The following TRIM38 variants were observed in gnomAD, a reference collection of about 807,000 sequenced individuals.
The protein encoded by TRIM38 is tripartite motif containing 38, also known as E3 ubiquitin-protein ligase TRIM38.
In TRIM38, 35 loss-of-function variants were observed where a neutral mutation model predicts 35.8. The observed-to-expected ratio is 0.98, with a 90% CI of 0.75 to 1.30. The LOEUF (loss-of-function observed/expected upper bound fraction) is 1.30. Among genes scored for constraint, TRIM38 ranks in the 50% most tolerant of loss-of-function variants. The pLI, the probability that TRIM38 is intolerant of heterozygous loss-of-function variation, is 0.00. For missense variants in TRIM38, 545 were observed against 556.9 expected (o/e 0.98, Z 0.21); for synonymous variants, 198 against 204.7 (o/e 0.97, Z 0.28).
rs1327497601 is a variant in TRIM38 at position 25,962,821 on chromosome 6, A to G, written c.-457A>G. On this transcript the variant is annotated 5_prime_UTR_variant, in exon 1 of 8. Coordinates refer to ENST00000357085, the MANE Select transcript of TRIM38 (RefSeq NM_006355.5). ...GTCTGAGTTAACTTCCTGACCCAGG[A>G]AGTGGCAGCAACAGAGGGGACTAGC... 6.6e-6 allele frequency: 1 copy of G among 152,260 alleles called. No homozygotes were observed. Among genetic ancestry groups the G allele is most frequent in the Non-Finnish European group, 1.5e-5 (1 of 68,028 alleles). 9.4% of individuals were successfully genotyped at this position (152,260 alleles called of 1,614,324 possible).
intron 7 of TRIM38, 76 bp downstream of exon 7, chr6:25,973,361 C>T: frequency 6.4e-7 from 1 of 1,557,172 alleles, no homozygotes; most frequent in Non-Finnish European, 8.7e-7. Flanking sequence ...CCACCTGTCC[C>T]TTGGCAGGCT....
At position 25,990,416 on chromosome 6, in the gene TRIM38, C is replaced by T. The variant is rs1488994454; in HGVS notation, c.*6729C>T. ...CTTGACTGCCTAGGCTCAAGTCATC[C>T]TCCCACCTCAGCCTCCAGAATGGCT... On this transcript the variant is annotated 3_prime_UTR_variant, in exon 8 of 8. Transcript: ENST00000357085. 2.0e-5 allele frequency: 3 copies of T among 152,244 alleles called. No individual in the cohort carries two copies. Among genetic ancestry groups the T allele is most frequent in the Non-Finnish European group, 4.4e-5 (3 of 68,094 alleles). The allele number at this position is 152,244 out of a possible 1,614,324, so 9.4% of individuals were successfully genotyped here. A position where few individuals can be genotyped will look rare whatever the true frequency, so the allele number is the denominator to read the frequency against.
chr6:25,976,664 C>A (rs1434656851), intron 7 of TRIM38, among the ~76,000 whole-genome samples: 5 of 152,182 alleles, frequency 3.3e-5, no homozygotes, highest in African/African-American at 1.2e-4. Context: ...GACAATACTA[C>A]TGTGAACATT....
In TRIM38 at chr6:25,969,331, C is replaced by T; in HGVS notation, c.418C>T (p.Leu140Phe). The T allele has an allele frequency of 6.2e-7, 1 of 1,612,134 alleles. No individual in the cohort carries two copies. Among genetic ancestry groups the T allele is most frequent in the Non-Finnish European group, 8.5e-7 (1 of 1,179,096 alleles). Residue 140 changes from leucine to phenylalanine, a missense_variant, in exon 4 of 8, where the codon CTC becomes TTC. Physicochemically the swap from Leu to Phe is conservative, Grantham distance 22. Transcript: ENST00000357085. The part of the protein sequence containing the change: ...EDVCQGYKEK[L>F]QKAVTKLKQL... ...TATCAAATTTTTCCTTCAGGAAAAG[C>T]TCCAGAAAGCTGTGACAAAACTGAA... is the stretch of plus-strand genomic sequence containing the variant.
rs1421186815 is a variant in TRIM38, at chr6:25,973,581, T to G, written c.874+296T>G. 13 of 973,862 alleles carry G rather than the reference T, an allele frequency of 1.3e-5. No individual in the cohort carries two copies. The East Asian group carries it at 3.4e-4, about 26-fold the overall frequency. The allele number at this position is 973,862 out of a possible 1,614,324, so 60.3% of individuals were successfully genotyped here. A position where few individuals can be genotyped will look rare whatever the true frequency, so the allele number is the denominator to read the frequency against. On this transcript the variant is annotated intron_variant, in intron 7 of 7. Transcript: ENST00000357085. The stretch of plus-strand genomic sequence containing the variant: ...AATGAAAATATTAACAGCTCCTACT[T>G]CATTGAGTTATCATCAAAATTAAAT...
At chr6:25,982,146 C>T (rs767130406) in intron 7 of TRIM38, among the ~76,000 whole-genome samples, 2 of 152,144 alleles carry the variant, frequency 1.3e-5, no homozygotes, top group African/African-American at 2.4e-5. Flanking sequence ...CATAAAACCC[C>T]TTGTGGCTTG....
Position 25,988,496 on chromosome 6 carries a change from C to CTTTTTTT in TRIM38, c.*4820_*4826dup, listed in dbSNP as rs71544660. The CTTTTTTT allele has an allele frequency of 0.077, 4,823 of 62,444 alleles. 1,062 individuals are homozygous for CTTTTTTT. The highest frequency in any genetic ancestry group is 0.1 in the African/African-American group (1,433 of 14,040). The allele number at this position is 62,444 out of a possible 1,614,324, so 3.9% of individuals were successfully genotyped here. On this transcript the variant is annotated 3_prime_UTR_variant, in exon 8 of 8. Transcript: ENST00000357085. ...TTTCTTTTTCTTTTTTCTTTTCTTTCTTTTTTTTTTTTTTTTTGAGACAGA... is the reference window on the plus strand; with the variant it reads ...TTTCTTTTTCTTTTTTCTTTTCTTTCTTTTTTTTTTTTTTTTTTTTTTTTGAGACAGA...
At chr6:25,971,024 C>T (rs964348834) in intron 4 of TRIM38, among the ~76,000 whole-genome samples, 18 of 152,306 alleles carry the variant, frequency 1.2e-4, no homozygotes, top group African/African-American at 4.3e-4. Flanking sequence ...AAAGCTCCCC[C>T]TGCCAAGAAT....
chr6:25,966,802 G>C lies in TRIM38; in HGVS notation c.280G>C (p.Glu94Gln). ...LKETDQEMSC[E>Q]EHGEQFHLFC... The stretch of plus-strand genomic sequence containing the variant: ...AGAGACGGATCAAGAAATGTCATGT[G>C]AGGAACACGGAGAGCAGTTCCACCT... The change falls in exon 3 of 8, where the codon GAG (glutamate) becomes CAG (glutamine). Residue 94 changes from glutamate to glutamine, a missense_variant. By Grantham distance (29) the Glu-to-Gln change is conservative. Transcript: ENST00000357085. The C allele has an allele frequency of 6.2e-7, 1 of 1,614,210 alleles. No individual in the cohort carries two copies. The highest frequency in any genetic ancestry group is 8.5e-7 in the Non-Finnish European group (1 of 1,180,044).
chr6:25,966,623 G>T lies in TRIM38; in HGVS notation c.101G>T (p.Ser34Ile), dbSNP rs748567809. 5.0e-6 allele frequency: 8 copies of T among 1,614,188 alleles called. No individual in the cohort carries two copies. The highest frequency in any genetic ancestry group is 6.8e-6 in the Non-Finnish European group (8 of 1,180,046). ...TNPVSINCGH[S>I]YCHLCITDFF... ...CCAGTAAGCATCAACTGTGGACACAGCTACTGCCACTTGTGTATAACAGAC... is the reference window on the plus strand; with the variant it reads ...CCAGTAAGCATCAACTGTGGACACATCTACTGCCACTTGTGTATAACAGAC... The change falls in exon 3 of 8, where the codon AGC becomes ATC. Residue 34 changes from serine (S) to isoleucine (I), a missense_variant. Transcript: ENST00000357085.
In TRIM38 at chr6:25,986,850, T is replaced by C. The variant is rs1455689074; in HGVS notation, c.*3163T>C. On this transcript the variant is annotated 3_prime_UTR_variant, in exon 8 of 8. Coordinates refer to ENST00000357085, the MANE Select transcript of TRIM38 (RefSeq NM_006355.5). Reference sequence around the variant, plus strand: ...AGAGCCACTAAAGTTCCAGCCATCATACTCACAACCCAAGTTGTAGGATGG... The same window carrying C: ...AGAGCCACTAAAGTTCCAGCCATCACACTCACAACCCAAGTTGTAGGATGG... 1.3e-5 allele frequency: 2 copies of C among 152,230 alleles called. No individual in the cohort carries two copies. Among genetic ancestry groups the C allele is most frequent in the Non-Finnish European group, 2.9e-5 (2 of 68,068 alleles). 9.4% of individuals were successfully genotyped at this position (152,230 alleles called of 1,614,324 possible). A position where few individuals can be genotyped will look rare whatever the true frequency, so the allele number is the denominator to read the frequency against.
At chr6:25,975,102 G>A (rs1375604593) in intron 7 of TRIM38, 10 of 944,742 alleles carry the variant, frequency 1.1e-5, no homozygotes, top group African/African-American at 7.2e-5. Flanking sequence ...GTGCGATCTC[G>A]GCTCACTGCA....
Position 25,969,427 on chromosome 6 carries a change from A to G in TRIM38, c.507+7A>G. 6.2e-7 allele frequency: 1 copy of G among 1,600,360 alleles called. No homozygotes were observed. ...GCGAATAACTAAATGGAAAGTAAGA[A>G]TCTGACTTCATTGATCTCAAGCTAT... On this transcript the variant is annotated splice_region_variant and intron_variant, in intron 4 of 7. Coordinates refer to ENST00000357085, the MANE Select transcript of TRIM38 (RefSeq NM_006355.5).
chr6:25,973,114 G>T (rs755932234), intron 6 of TRIM38, 38 bp downstream of exon 6: 36 of 1,613,990 alleles, frequency 2.2e-5, no homozygotes, highest in Non-Finnish European at 3.0e-5. Flanking sequence ...AGGGGTGTGC[G>T]TATATAGAAA....
intron 5 of TRIM38, among the ~76,000 whole-genome samples, chr6:25,972,339 C>T (rs1477574777): frequency 6.6e-6 from 1 of 152,130 alleles, no homozygotes. Flanking sequence ...GCCTCCTTGG[C>T]CCATGTGCAG....
intron 7 of TRIM38, among the ~76,000 whole-genome samples, chr6:25,977,156 C>T (rs986680537): frequency 3.9e-5 from 6 of 152,166 alleles, no homozygotes; most frequent in Non-Finnish European, 8.8e-5. Context: ...GACACATTTT[C>T]CTTCAAGGTC....
At position 25,985,112 on chromosome 6, in the gene TRIM38, A is replaced by C. The variant is rs1201476266; in HGVS notation, c.*1425A>C. 1.3e-5 allele frequency: 2 copies of C among 152,178 alleles called. No homozygotes were observed. Among genetic ancestry groups the C allele is most frequent in the African/African-American group, 4.8e-5 (2 of 41,432 alleles). The allele number at this position is 152,178 out of a possible 1,614,324, so 9.4% of individuals were successfully genotyped here. ...TGGCATAAGAAGTATTTTGAGTTGAAGACAATTGAGAAAAAAAATAGATTA... is the reference window on the plus strand; with the variant it reads ...TGGCATAAGAAGTATTTTGAGTTGACGACAATTGAGAAAAAAAATAGATTA... On this transcript the variant is annotated 3_prime_UTR_variant, in exon 8 of 8. Coordinates refer to ENST00000357085, the MANE Select transcript of TRIM38 (RefSeq NM_006355.5).
rs1044912815 is a variant in TRIM38 at position 25,969,532 on chromosome 6, A to G, written c.507+112A>G. Reference sequence around the variant, plus strand: ...TTTATTCTCACTAAACCAGATTGAAAAAATGAAACCCAAGGAAGAAACCAT... The same window carrying G: ...TTTATTCTCACTAAACCAGATTGAAGAAATGAAACCCAAGGAAGAAACCAT... On this transcript the variant is annotated intron_variant, in intron 4 of 7. Coordinates refer to ENST00000357085, the MANE Select transcript of TRIM38 (RefSeq NM_006355.5). 5 of 844,476 alleles carry G rather than the reference A, an allele frequency of 5.9e-6. No homozygotes were observed. In the South Asian group the frequency reaches 1.3e-4, roughly 22 times the overall value. The allele number at this position is 844,476 out of a possible 1,614,324, so 52.3% of individuals were successfully genotyped here. A position where few individuals can be genotyped will look rare whatever the true frequency, so the allele number is the denominator to read the frequency against.
At chr6:25,978,349 A>G (rs1288963919) in intron 7 of TRIM38, among the ~76,000 whole-genome samples, 2 of 151,738 alleles carry the variant, frequency 1.3e-5, no homozygotes, top group African/African-American at 2.4e-5. Context: ...ATAGATATAT[A>G]TAGTATCCTC....
Sources: allele counts gnomAD v4.1 joint callset (sites outside exome capture counted in the v4.1 genomes callset), GRCh38; gene constraint gnomAD v4.1.1; transcripts MANE v1.5; gene names NCBI Gene and HGNC (gene_info 2026-07-23, HGNC 2026-07-21).